ALDH1A1: variants seen among roughly 807,000 people sequenced by gnomAD.
The protein encoded by ALDH1A1 is aldehyde dehydrogenase 1 family member A1, also known as aldehyde dehydrogenase 1A1.
Under a neutral mutation model 62.1 loss-of-function variants are expected in ALDH1A1, and 19 were observed. The ratio of observed to expected loss-of-function variants is 0.31; its 90% CI spans 0.21 to 0.45. The LOEUF is 0.45. Ranked by LOEUF, ALDH1A1 falls within the 20% of genes least tolerant of loss-of-function variation. ALDH1A1 has a pLI of 1.00. For synonymous variants in ALDH1A1, 231 were observed against 215.9 expected (o/e 1.07, Z -0.61); for missense variants, 521 against 607.1 (o/e 0.86, Z 1.49).
chr9:72,930,710 C>G (rs140683176), intron 3 of ALDH1A1, among the ~76,000 whole-genome samples, 169 bp downstream of exon 3: 1 of 152,116 alleles, frequency 6.6e-6, no homozygotes, highest in Non-Finnish European at 1.5e-5. Flanking sequence ...ATGCAGATTA[C>G]TATTTGAGAA....
chr9:72,904,484 C>T lies in ALDH1A1; in HGVS notation c.1433+1474G>A, dbSNP rs568846688. 1.4e-4 allele frequency among the ~76,000 whole-genome samples: 21 copies of T among 152,246 alleles called. No individual in the cohort carries two copies. The East Asian group carries it at 3.9e-3, about 28-fold the overall frequency. On this transcript the variant is annotated intron_variant, in intron 12 of 12. Coordinates refer to ENST00000297785, the MANE Select transcript of ALDH1A1 (RefSeq NM_000689.5). The stretch of plus-strand genomic sequence containing the variant: ...GCAAGAAAGCCCTCTTCTCTACTAA[C>T]TGATATCCTACACTTGCTTTCTGCC...
chr9:72,933,036 T>A (rs150159962), intron 2 of ALDH1A1, among the ~76,000 whole-genome samples: 1 of 152,368 alleles, frequency 6.6e-6, no homozygotes, highest in African/African-American at 2.4e-5. Flanking sequence ...ATAAAGATGT[T>A]CTTATGATTA....
chr9:72,933,131 T>C (rs969697970), intron 2 of ALDH1A1, among the ~76,000 whole-genome samples: 1 of 152,214 alleles, frequency 6.6e-6, no homozygotes, highest in Non-Finnish European at 1.5e-5. Context: ...AGTTAATATA[T>C]AGTTTGATAT....
intron 2 of ALDH1A1, 106 bp downstream of exon 2, chr9:72,940,042 T>C (rs1050493882): frequency 2.7e-6 from 2 of 735,510 alleles, no homozygotes; most frequent in East Asian, 2.7e-5. Context: ...CCAGAAACCA[T>C]ATTTTCATGG....
intron 12 of ALDH1A1, among the ~76,000 whole-genome samples, chr9:72,902,770 G>A (rs1018435485): frequency 6.6e-6 from 1 of 151,886 alleles, no homozygotes; most frequent in African/African-American, 2.4e-5. Context: ...CCAAACATCT[G>A]TTTGGATTTC....
chr9:72,904,363 CAT>C (rs1829847225), intron 12 of ALDH1A1, among the ~76,000 whole-genome samples: 1 of 152,094 alleles, frequency 6.6e-6, no homozygotes, highest in South Asian at 2.1e-4. Context: ...TAATCTGTAT[CAT>C]ATGTTACTCT....
intron 12 of ALDH1A1, 143 bp downstream of exon 12, chr9:72,905,815 T>G: frequency 1.6e-6 from 1 of 632,214 alleles, no homozygotes; most frequent in Non-Finnish European, 2.7e-6. Flanking sequence ...CATCCCACAT[T>G]TAATAAGCTA....
At chr9:72,930,672 G>C (rs1820659930) in intron 3 of ALDH1A1, among the ~76,000 whole-genome samples, 1 of 152,176 alleles carries the variant, frequency 6.6e-6, no homozygotes, top group African/African-American at 2.4e-5. Flanking sequence ...TATTATGGGA[G>C]CAGAAATTAA....
intron 11 of ALDH1A1, among the ~76,000 whole-genome samples, chr9:72,906,588 A>G (rs1192527638): frequency 6.6e-6 from 1 of 152,226 alleles, no homozygotes; most frequent in East Asian, 1.9e-4. Flanking sequence ...TATTTCATAA[A>G]GTGTTTAAAG....
intron 12 of ALDH1A1, among the ~76,000 whole-genome samples, chr9:72,903,365 A>G (rs903693197): frequency 6.6e-6 from 1 of 151,990 alleles, no homozygotes; most frequent in African/African-American, 2.4e-5. Flanking sequence ...TATCACCTTC[A>G]AACACACTGG....
intron 12 of ALDH1A1, among the ~76,000 whole-genome samples, chr9:72,902,238 A>T (rs546576380): frequency 3.9e-5 from 6 of 152,048 alleles, no homozygotes; most frequent in African/African-American, 9.7e-5. Context: ...GATGACTAAA[A>T]AGATTGGGCT....
Position 72,901,120 on chromosome 9 carries a change from A to C in ALDH1A1, c.*88T>G. On this transcript the variant is annotated 3_prime_UTR_variant, in exon 13 of 13. Transcript: ENST00000297785. Reference sequence around the variant, plus strand: ...TTATGTTTAAAAAAATCAAGAAAAGAAAAATTTTGTCTTTAAAATCTACTA... The same window carrying C: ...TTATGTTTAAAAAAATCAAGAAAAGCAAAATTTTGTCTTTAAAATCTACTA... The C allele has an allele frequency of 9.9e-7, 1 of 1,008,228 alleles. No homozygotes were observed. Among genetic ancestry groups the C allele is most frequent in the Non-Finnish European group, 1.5e-6 (1 of 688,084 alleles). 62.5% of individuals were successfully genotyped at this position (1,008,228 alleles called of 1,614,324 possible).
At chr9:72,919,373 T>A (rs1830106683) in intron 7 of ALDH1A1, among the ~76,000 whole-genome samples, 1 of 152,142 alleles carries the variant, frequency 6.6e-6, no homozygotes, top group Non-Finnish European at 1.5e-5. Flanking sequence ...ATCCTTCTTC[T>A]CATTATTTGT....
At chr9:72,928,754 G>C (rs906996508) in intron 4 of ALDH1A1, 138 bp downstream of exon 4, 7 of 956,036 alleles carry the variant, frequency 7.3e-6, no homozygotes, top group Non-Finnish European at 1.0e-5. Context: ...TGAAAACTGT[G>C]TTGTCTCAAA....
At chr9:72,939,809 C>T (rs755826169) in intron 2 of ALDH1A1, among the ~76,000 whole-genome samples, 8 of 152,130 alleles carry the variant, frequency 5.3e-5, no homozygotes, top group East Asian at 1.9e-4. Context: ...TGAGCCACAG[C>T]GCCCAGCTGA....
chr9:72,902,757 G>A (rs888099496), intron 12 of ALDH1A1, among the ~76,000 whole-genome samples: 6 of 151,834 alleles, frequency 4.0e-5, no homozygotes, highest in African/African-American at 1.5e-4. Flanking sequence ...CTACGACATA[G>A]CCCCAAACAT....
chr9:72,912,200 G>A, intron 9 of ALDH1A1, 78 bp from the exon 10 acceptor site: 1 of 1,274,422 alleles, frequency 7.8e-7, no homozygotes, highest in Non-Finnish European at 1.1e-6. Context: ...TGTTAACAAG[G>A]GCTTCAAAAT....
chr9:72,940,017 T>A, intron 2 of ALDH1A1, 131 bp downstream of exon 2: 1 of 570,332 alleles, frequency 1.8e-6, no homozygotes, highest in Non-Finnish European at 3.0e-6. Flanking sequence ...ACTTAGACAA[T>A]TTTCCTAAGC....
intron 7 of ALDH1A1, 40 bp downstream of exon 7, chr9:72,923,979 G>T (rs752284179): frequency 4.4e-6 from 6 of 1,363,064 alleles, no homozygotes; most frequent in Non-Finnish European, 6.1e-6. Context: ...AGCTGGCAAT[G>T]CAGACATTCT....
Sources: gnomAD v4.1 joint callset for allele counts (sites outside exome capture counted in the v4.1 genomes callset) on GRCh38, gnomAD v4.1.1 for gene constraint, MANE v1.5 for transcripts, NCBI Gene and HGNC (gene_info 2026-07-23, HGNC 2026-07-21) for gene names.